Variants in CNOT4 observed in about 807,000 individuals in gnomAD.
CNOT4 encodes CCR4-NOT transcription complex subunit 4, also known as CCR4-associated factor 4.
Under a neutral mutation model 73.8 loss-of-function variants are expected in CNOT4, and 8 were observed. That is an observed-to-expected ratio of 0.11 (90% CI 0.06 to 0.20). The LOEUF (loss-of-function observed/expected upper bound fraction) is 0.20, where lower values mean the gene tolerates loss of function less well. CNOT4 is among the 10% of genes least tolerant of loss of function. CNOT4 has a pLI of 1.00. For missense variants in CNOT4, 564 were observed against 883.4 expected (o/e 0.64, Z 4.58); for synonymous variants, 293 against 321.1 (o/e 0.91, Z 0.94).
At chr7:135,411,823 G>A (rs755995460) in intron 6 of CNOT4, among the ~76,000 whole-genome samples, 3 of 151,868 alleles carry the variant, frequency 2.0e-5, no homozygotes, top group African/African-American at 4.8e-5. Flanking sequence ...ACAATGCATC[G>A]TTCCCTGTTC....
chr7:135,388,480 T>C (rs1796235153), intron 10 of CNOT4: 2 of 998,354 alleles, frequency 2.0e-6, no homozygotes, highest in Non-Finnish European at 2.4e-6. Context: ...TTTTCAATAA[T>C]AGAGCCAAAA....
intron 1 of CNOT4, among the ~76,000 whole-genome samples, chr7:135,467,697 C>G (rs981213104): frequency 1.3e-4 from 20 of 152,046 alleles, no homozygotes; most frequent in Admixed American, 1.2e-3. Context: ...GATGACAGAG[C>G]AAGACCCTGT....
At chr7:135,424,043 ACACAC>A (rs1798349297) in intron 2 of CNOT4, among the ~76,000 whole-genome samples, 2 of 3,982 alleles carry the variant, frequency 5.0e-4, no homozygotes, top group Admixed American at 2.6e-3. Flanking sequence ...CAAACAAAAC[ACACAC>A]ACACACACAC....
In CNOT4 at chr7:135,384,866, G is replaced by A. The variant is rs189454461; in HGVS notation, c.1627+9052C>T. ...TCTTAACACTAAGTAGTCAATGATT[G>A]CTGCATACATATTCTTGACATTTCC... is the stretch of plus-strand genomic sequence containing the variant. On this transcript the variant is annotated intron_variant, in intron 10 of 11. Transcript: ENST00000541284. 1.1e-5 allele frequency: 7 copies of A among 650,226 alleles called. 1 individual carries two copies. The Admixed American group carries it at 1.6e-4, about 15-fold the overall frequency. The allele number at this position is 650,226 out of a possible 1,614,324, so 40.3% of individuals were successfully genotyped here. A position where few individuals can be genotyped will look rare whatever the true frequency, so the allele number is the denominator to read the frequency against.
chr7:135,408,506 CAAT>C (rs1407863833), intron 7 of CNOT4, among the ~76,000 whole-genome samples: 2 of 152,122 alleles, frequency 1.3e-5, no homozygotes, highest in African/African-American at 4.8e-5. Context: ...TTACATTTTA[CAAT>C]AATTTGTATT....
chr7:135,472,593 T>C (rs1300988206), intron 1 of CNOT4, among the ~76,000 whole-genome samples: 2 of 118,958 alleles, frequency 1.7e-5, no homozygotes, highest in Non-Finnish European at 3.3e-5. Context: ...TCATAGCATC[T>C]CACAGAATTT....
chr7:135,493,749 G>A (rs1803267479), intron 1 of CNOT4, among the ~76,000 whole-genome samples: 1 of 152,156 alleles, frequency 6.6e-6, no homozygotes, highest in Non-Finnish European at 1.5e-5. Flanking sequence ...TGTGGTATTT[G>A]AAGCTCCCTA....
At chr7:135,406,490 T>A (rs967852292) in intron 7 of CNOT4, among the ~76,000 whole-genome samples, 1 of 151,192 alleles carries the variant, frequency 6.6e-6, no homozygotes, top group Non-Finnish European at 1.5e-5. Context: ...TGAAACGCCA[T>A]CTCTACAAAA....
At chr7:135,376,424 C>T (rs550694666) in intron 10 of CNOT4, among the ~76,000 whole-genome samples, 2 of 152,174 alleles carry the variant, frequency 1.3e-5, no homozygotes, top group South Asian at 4.2e-4. Flanking sequence ...TAGCAGATCA[C>T]TCGGGACTGG....
At chr7:135,509,741 G>A in intron 1 of CNOT4, 148 bp downstream of exon 1, 1 of 308,522 alleles carries the variant, frequency 3.2e-6, no homozygotes, top group Non-Finnish European at 5.9e-6. Flanking sequence ...AGGAGGAGGA[G>A]GAAGAAGACC....
chr7:135,415,066 G>C, intron 4 of CNOT4, 110 bp downstream of exon 4: 1 of 716,952 alleles, frequency 1.4e-6, no homozygotes, highest in East Asian at 2.5e-5. Flanking sequence ...CATTGCTTAA[G>C]TCCTTGTCCC....
At chr7:135,393,077 A>C (rs1796484865) in intron 10 of CNOT4, among the ~76,000 whole-genome samples, 2 of 152,284 alleles carry the variant, frequency 1.3e-5, no homozygotes, top group South Asian at 4.1e-4. Context: ...TCAGGAGAGG[A>C]ACAAACTTTT....
chr7:135,464,822 C>G, intron 1 of CNOT4, among the ~76,000 whole-genome samples: 1 of 151,752 alleles, frequency 6.6e-6, no homozygotes. Context: ...CTCAAGAAAA[C>G]TGTTATTTAA....
chr7:135,405,672 A>C (rs1797239177), intron 7 of CNOT4, among the ~76,000 whole-genome samples: 1 of 152,206 alleles, frequency 6.6e-6, no homozygotes, highest in Admixed American at 6.6e-5. Context: ...AGCAGATGAC[A>C]AATTCCTTTT....
chr7:135,456,421 A>G (rs889347629), intron 1 of CNOT4, among the ~76,000 whole-genome samples: 14 of 152,024 alleles, frequency 9.2e-5, no homozygotes, highest in African/African-American at 3.1e-4. Flanking sequence ...TTTATCTTAT[A>G]CTTCTTCCTG....
intron 4 of CNOT4, among the ~76,000 whole-genome samples, chr7:135,414,735 A>G (rs189456544): frequency 6.6e-5 from 10 of 152,240 alleles, no homozygotes; most frequent in African/African-American, 2.2e-4. Flanking sequence ...TAAAAAAATT[A>G]AAATTTAGAT....
intron 2 of CNOT4, among the ~76,000 whole-genome samples, chr7:135,427,326 C>CT (rs34156131): frequency 1.9e-4 from 28 of 150,744 alleles, no homozygotes; most frequent in Admixed American, 5.3e-4. Flanking sequence ...TATTGAAAAA[C>CT]TTTTTTTTTT....
Position 135,479,463 on chromosome 7 carries a change from C to G in CNOT4, c.-93+30426G>C, listed in dbSNP as rs1052115104. The stretch of plus-strand genomic sequence containing the variant: ...TGACCTTGTGATCCGCCCGCCTCGG[C>G]CTCCCAAAGTGCTGGGATTACAGGC... On this transcript the variant is annotated intron_variant, in intron 1 of 11. Coordinates refer to ENST00000541284, the MANE Select transcript of CNOT4 (RefSeq NM_001190850.2). Among the ~76,000 whole-genome samples the G allele has an allele frequency of 1.3e-5, 2 of 151,856 alleles. 1 individual carries two copies. The highest frequency in any genetic ancestry group is 2.9e-5 in the Non-Finnish European group (2 of 67,982).
At chr7:135,408,469 A>G (rs1797419960) in intron 7 of CNOT4, among the ~76,000 whole-genome samples, 1 of 152,230 alleles carries the variant, frequency 6.6e-6, no homozygotes, top group South Asian at 2.1e-4. Flanking sequence ...ATTAGTGTAT[A>G]AGAAAATACA....
Sources: allele counts gnomAD v4.1 joint callset (sites outside exome capture counted in the v4.1 genomes callset), GRCh38; gene constraint gnomAD v4.1.1; transcripts MANE v1.5; gene names NCBI Gene and HGNC (gene_info 2026-07-23, HGNC 2026-07-21).